The following AOX1 variants were observed in gnomAD, a reference collection of about 807,000 sequenced individuals.
AOX1 encodes aldehyde oxidase.
AOX1 carries 153 observed loss-of-function variants against 169.5 expected under a neutral mutation model. The ratio of observed to expected loss-of-function variants is 0.90; its 90% CI spans 0.79 to 1.03. AOX1 has a LOEUF of 1.03. AOX1 is among the 50% of genes least tolerant of loss of function. The probability of loss-of-function intolerance (pLI) is 0.00; values close to 1 mark genes in which losing one functional copy is unlikely to be tolerated. For synonymous variants in AOX1, 562 were observed against 581.9 expected (o/e 0.97, Z 0.49); for missense variants, 1,656 against 1,663.9 (o/e 1.00, Z 0.08).
chr2:200,681,206 T>C (rs528574935), downstream of AOX1, among the ~76,000 whole-genome samples: 7 of 152,220 alleles, frequency 4.6e-5, no homozygotes, highest in Non-Finnish European at 1.0e-4. Flanking sequence ...AAAGCCTCCA[T>C]TGGCATCCGA....
intron 10 of AOX1, 149 bp from the exon 11 acceptor site, chr2:200,608,835 C>T: frequency 1.5e-6 from 1 of 684,666 alleles, no homozygotes; most frequent in South Asian, 2.0e-5. Flanking sequence ...TCATCACCAT[C>T]ACCACCATCA....
At chr2:200,664,002 G>A (rs1022812393) in intron 31 of AOX1, among the ~76,000 whole-genome samples, 1 of 152,128 alleles carries the variant, frequency 6.6e-6, no homozygotes, top group Non-Finnish European at 1.5e-5. Flanking sequence ...ATTCAGACTG[G>A]ATCTCTATAG....
intron 20 of AOX1, 71 bp from the exon 21 acceptor site, chr2:200,634,720 G>T: frequency 3.8e-6 from 6 of 1,585,738 alleles, no homozygotes; most frequent in Non-Finnish European, 5.2e-6. Context: ...TGCATAACGG[G>T]ATAATACCTG....
At chr2:200,661,954 C>CAA (rs1460782582) in intron 30 of AOX1, among the ~76,000 whole-genome samples, 1 of 152,100 alleles carries the variant, frequency 6.6e-6, no homozygotes, top group Non-Finnish European at 1.5e-5. Context: ...TTGTTGAAAA[C>CAA]ACGATCTATC....
downstream of AOX1, among the ~76,000 whole-genome samples, chr2:200,675,985 T>A (rs2036092635): frequency 6.6e-6 from 1 of 151,840 alleles, no homozygotes; most frequent in South Asian, 2.1e-4. Flanking sequence ...ATAGTTTGAG[T>A]TCACTTTTTA....
At chr2:200,667,378 C>T (rs2035940721) in intron 32 of AOX1, among the ~76,000 whole-genome samples, 2 of 152,072 alleles carry the variant, frequency 1.3e-5, no homozygotes, top group South Asian at 2.1e-4. Flanking sequence ...ACTGGGTTTG[C>T]GTGTCTCGAA....
chr2:200,620,351 A>G (rs2034859181), intron 16 of AOX1, among the ~76,000 whole-genome samples: 1 of 151,054 alleles, frequency 6.6e-6, no homozygotes, highest in African/African-American at 2.4e-5. Flanking sequence ...GGCATGTGCC[A>G]CCGTACCTGG....
chr2:200,634,481 C>T (rs929248323), intron 20 of AOX1, among the ~76,000 whole-genome samples: 1 of 152,148 alleles, frequency 6.6e-6, no homozygotes, highest in Non-Finnish European at 1.5e-5. Flanking sequence ...CACATTCCTA[C>T]GCCTCTGCTA....
At chr2:200,663,545 AACACAC>A (rs530782102) in intron 31 of AOX1, among the ~76,000 whole-genome samples, 72 of 117,810 alleles carry the variant, frequency 6.1e-4, no homozygotes, top group South Asian at 1.2e-3. Flanking sequence ...CATACACACA[AACACAC>A]ACACACACAC....
intron 20 of AOX1, among the ~76,000 whole-genome samples, chr2:200,632,421 C>G (rs2035145769): frequency 6.6e-6 from 1 of 151,620 alleles, no homozygotes; most frequent in Non-Finnish European, 1.5e-5. Context: ...AGCTTTACCT[C>G]CCTTTACATC....
At position 200,586,100 on chromosome 2, in the gene AOX1, G is replaced by T. The variant is rs1188401399; in HGVS notation, c.-9G>T. 3 of 1,556,090 alleles carry T rather than the reference G, an allele frequency of 1.9e-6. No individual in the cohort carries two copies. In the East Asian group the frequency reaches 7.2e-5, roughly 37 times the overall value. Reference sequence around the variant, plus strand: ...CGCTCCGGGCCCTCGAACCAGCGCGGACACCACAATGGACCGGGCGTCCGA... The same window carrying T: ...CGCTCCGGGCCCTCGAACCAGCGCGTACACCACAATGGACCGGGCGTCCGA... On this transcript the variant is annotated 5_prime_UTR_variant, in exon 1 of 35. Transcript: ENST00000374700.
At chr2:200,602,200 G>T in intron 5 of AOX1, 84 bp from the exon 6 acceptor site, 1 of 1,082,332 alleles carries the variant, frequency 9.2e-7, no homozygotes, top group South Asian at 1.3e-5. Flanking sequence ...CTCTATGATA[G>T]GGTCCTCATT....
chr2:200,623,064 A>T (rs2034919014), intron 18 of AOX1, among the ~76,000 whole-genome samples: 1 of 152,152 alleles, frequency 6.6e-6, no homozygotes, highest in Non-Finnish European at 1.5e-5. Context: ...CTTTATGTTC[A>T]TTGTGGAAAA....
intron 31 of AOX1, 69 bp downstream of exon 31, chr2:200,663,038 T>C: frequency 8.1e-7 from 1 of 1,241,184 alleles, no homozygotes; most frequent in Non-Finnish European, 1.2e-6. Context: ...ATGCCATCTA[T>C]CTGAGGAGAG....
At chr2:200,620,406 A>G (rs2034861529) in intron 16 of AOX1, among the ~76,000 whole-genome samples, 1 of 151,426 alleles carries the variant, frequency 6.6e-6, no homozygotes, top group African/African-American at 2.4e-5. Context: ...ACGGGGTTTT[A>G]CTATGTTGGC....
At chr2:200,591,782 G>A (rs1177603077) in intron 1 of AOX1, among the ~76,000 whole-genome samples, 1 of 152,112 alleles carries the variant, frequency 6.6e-6, no homozygotes, top group Non-Finnish European at 1.5e-5. Flanking sequence ...CAGTCACTCT[G>A]GTCGTGGTGC....
chr2:200,648,905 T>C (rs1220144458), intron 25 of AOX1, among the ~76,000 whole-genome samples: 2 of 152,012 alleles, frequency 1.3e-5, no homozygotes, highest in Non-Finnish European at 1.5e-5. Flanking sequence ...CCAGCTCCCA[T>C]ACAAGCAGAA....
chr2:200,640,128 T>C (rs2035326130), intron 23 of AOX1, among the ~76,000 whole-genome samples: 1 of 150,954 alleles, frequency 6.6e-6, no homozygotes, highest in Admixed American at 6.6e-5. Flanking sequence ...GTAATAAACA[T>C]GGCATGTTTG....
intron 5 of AOX1, among the ~76,000 whole-genome samples, 159 bp downstream of exon 5, chr2:200,599,905 C>A (rs2034373588): frequency 6.6e-6 from 1 of 152,192 alleles, no homozygotes; most frequent in South Asian, 2.1e-4. Flanking sequence ...TGTGCCTCAG[C>A]CTCCCCTCAT....
Sources: gnomAD v4.1 joint callset for allele counts (sites outside exome capture counted in the v4.1 genomes callset) on GRCh38, gnomAD v4.1.1 for gene constraint, MANE v1.5 for transcripts, NCBI Gene and HGNC (gene_info 2026-07-23, HGNC 2026-07-21) for gene names.